Variants in FOXN3 observed in about 807,000 individuals in gnomAD.
FOXN3 encodes forkhead box N3.
A neutral mutation model predicts 38.4 loss-of-function variants in FOXN3; 7 were observed. The observed-to-expected ratio is 0.18, with a 90% CI of 0.10 to 0.34. The LOEUF is 0.34. FOXN3 is among the 10% of genes least tolerant of loss of function. The probability of loss-of-function intolerance (pLI) is 1.00; values close to 1 mark genes in which losing one functional copy is unlikely to be tolerated. For synonymous variants in FOXN3, 230 were observed against 242.2 expected (o/e 0.95, Z 0.47); for missense variants, 456 against 613.4 (o/e 0.74, Z 2.71).
intron 1 of FOXN3, among the ~76,000 whole-genome samples, chr14:89,598,361 G>T (rs375510016): frequency 4.1e-4 from 62 of 152,148 alleles, no homozygotes; most frequent in African/African-American, 1.2e-3. Flanking sequence ...CTTGATCGGG[G>T]ATAATTTTCC....
chr14:89,241,403 G>C (rs1596125585), intron 4 of FOXN3, among the ~76,000 whole-genome samples: 2 of 152,146 alleles, frequency 1.3e-5, no homozygotes, highest in East Asian at 3.9e-4. Context: ...GTGAGCTTGT[G>C]AAAATTCAAC....
chr14:89,313,000 G>A (rs1438254111), intron 3 of FOXN3, among the ~76,000 whole-genome samples: 1 of 152,130 alleles, frequency 6.6e-6, no homozygotes, highest in African/African-American at 2.4e-5. Flanking sequence ...CTGTCGCTTT[G>A]TCCCAAAGAG....
In FOXN3 at chr14:89,163,264, C is replaced by A. The variant is rs1887153676; in HGVS notation, c.852-295G>T. 6.6e-6 allele frequency among the ~76,000 whole-genome samples: 1 copy of A among 152,176 alleles called. No individual in the cohort carries two copies. The highest frequency in any genetic ancestry group is 1.5e-5 in the Non-Finnish European group (1 of 68,018). On this transcript the variant is annotated intron_variant, in intron 5 of 5. Coordinates refer to ENST00000557258, the MANE Select transcript of FOXN3 (RefSeq NM_005197.4). This position sits in a 1 kb window ranked among gnomAD's most constrained non-coding sequence, Gnocchi z 4.3. ...AGCGACAGTGGTGGAGGCTCCATCT[C>A]TTACATTAAACCATAAAAATCAAGC...
At chr14:89,497,422 T>TG (rs1159955493) in intron 1 of FOXN3, among the ~76,000 whole-genome samples, 3 of 149,870 alleles carry the variant, frequency 2.0e-5, no homozygotes, top group Non-Finnish European at 4.4e-5. Flanking sequence ...TTTTTTTTTT[T>TG]TGAGATGGAG....
At chr14:89,570,508 G>A (rs1009517824) in intron 1 of FOXN3, among the ~76,000 whole-genome samples, 2 of 151,784 alleles carry the variant, frequency 1.3e-5, no homozygotes, top group African/African-American at 4.9e-5. Context: ...ATGAAAAAAC[G>A]GGAAAATGAA....
intron 5 of FOXN3, among the ~76,000 whole-genome samples, chr14:89,172,399 G>A (rs1887412590): frequency 1.3e-5 from 2 of 152,156 alleles, no homozygotes; most frequent in South Asian, 2.1e-4. Flanking sequence ...CAATATAGGA[G>A]TATTAATCCA....
intron 1 of FOXN3, chr14:89,576,344 T>C (rs1334885530): frequency 1.3e-5 from 2 of 152,224 alleles, no homozygotes; most frequent in Non-Finnish European, 2.9e-5. Flanking sequence ...GCTAGGAATG[T>C]AATGTTGACA....
chr14:89,533,111 T>A (rs893069083), intron 1 of FOXN3, among the ~76,000 whole-genome samples: 1 of 152,192 alleles, frequency 6.6e-6, no homozygotes, highest in Admixed American at 6.5e-5. Context: ...AGAATGTAAA[T>A]AGGCACTGAT....
chr14:89,253,387 A>G (rs954787103), intron 4 of FOXN3, among the ~76,000 whole-genome samples: 1 of 152,040 alleles, frequency 6.6e-6, no homozygotes, highest in Admixed American at 6.6e-5. Context: ...CAAGGTGGAG[A>G]TTCGGTTCCA....
chr14:89,163,851 C>T lies in FOXN3; in HGVS notation c.852-882G>A, dbSNP rs879402130. ...CAGGGACTGGAATCAAAGTCTGACT[C>T]TCAGACTTGAGGTCTTAGCTACATC... On this transcript the variant is annotated intron_variant, in intron 5 of 5. Transcript: ENST00000557258. The surrounding 1 kb of genome is among the most constrained non-coding windows in gnomAD (Gnocchi z 4.3). 2.8e-4 allele frequency among the ~76,000 whole-genome samples: 42 copies of T among 152,342 alleles called. No individual in the cohort carries two copies. The Middle Eastern group carries it at 0.014, about 49-fold the overall frequency.
chr14:89,244,446 T>C (rs1885232306), intron 4 of FOXN3, among the ~76,000 whole-genome samples: 1 of 152,202 alleles, frequency 6.6e-6, no homozygotes, highest in Non-Finnish European at 1.5e-5. Flanking sequence ...CCAACTGTCA[T>C]GAAAACCTTG....
chr14:89,466,190 A>G (rs1392530815), intron 1 of FOXN3, among the ~76,000 whole-genome samples: 2 of 151,970 alleles, frequency 1.3e-5, no homozygotes, highest in Non-Finnish European at 1.5e-5. Context: ...CTTCCTTTTC[A>G]TCTCTTTTCC....
intron 1 of FOXN3, among the ~76,000 whole-genome samples, chr14:89,613,536 T>A (rs1179057138): frequency 6.6e-6 from 1 of 152,194 alleles, no homozygotes; most frequent in Non-Finnish European, 1.5e-5. Context: ...TTAACCACCA[T>A]CATTTCGATC....
chr14:89,443,078 A>C (rs1279809097), intron 1 of FOXN3, among the ~76,000 whole-genome samples: 1 of 152,254 alleles, frequency 6.6e-6, no homozygotes, highest in African/African-American at 2.4e-5. Flanking sequence ...AATAAGCAAA[A>C]TGGAGCCCAG....
intron 3 of FOXN3, among the ~76,000 whole-genome samples, chr14:89,302,729 A>G (rs117156282): frequency 6.6e-6 from 1 of 152,322 alleles, no homozygotes; most frequent in East Asian, 1.9e-4. Flanking sequence ...CCACTTGCAG[A>G]GCCCAGTACC....
At chr14:89,287,736 C>T (rs1344394372) in intron 3 of FOXN3, among the ~76,000 whole-genome samples, 6 of 133,128 alleles carry the variant, frequency 4.5e-5, no homozygotes, top group Non-Finnish European at 9.4e-5. Context: ...ATGTCACTTA[C>T]TCTAAAGAAT....
At chr14:89,346,916 C>G (rs1888774239) in intron 3 of FOXN3, among the ~76,000 whole-genome samples, 1 of 152,148 alleles carries the variant, frequency 6.6e-6, no homozygotes, top group Non-Finnish European at 1.5e-5. Flanking sequence ...CAGTTATAAT[C>G]CAACACTATG....
chr14:89,421,389 C>T (rs534311061), upstream of FOXN3, among the ~76,000 whole-genome samples: 1 of 151,832 alleles, frequency 6.6e-6, no homozygotes, highest in South Asian at 2.1e-4. Context: ...CTCAGGTGAT[C>T]CGCCTGCCTC....
intron 5 of FOXN3, among the ~76,000 whole-genome samples, chr14:89,168,106 TTAAAA>T (rs1239817718): frequency 1.3e-5 from 2 of 151,764 alleles, no homozygotes; most frequent in African/African-American, 4.8e-5. Flanking sequence ...AAAACAAAAA[TTAAAA>T]ACATTAAACA....
Sources: gnomAD v4.1 joint callset for allele counts (sites outside exome capture counted in the v4.1 genomes callset) on GRCh38, gnomAD v4.1.1 for gene constraint, Gnocchi (gnomAD v3.1) non-coding constraint, MANE v1.5 for transcripts, NCBI Gene and HGNC (gene_info 2026-07-23, HGNC 2026-07-21) for gene names.